ELMO1: variants seen among roughly 807,000 people sequenced by gnomAD.
ELMO1 encodes engulfment and cell motility 1, also known as engulfment and cell motility protein 1.
In ELMO1, 26 loss-of-function variants were observed where a neutral mutation model predicts 98.9. The ratio of observed to expected loss-of-function variants is 0.26; its 90% CI spans 0.19 to 0.36. ELMO1 has a LOEUF of 0.36. ELMO1 is among the 10% of genes least tolerant of loss of function. The pLI, the probability that ELMO1 is intolerant of heterozygous loss-of-function variation, is 1.00. For synonymous variants in ELMO1, 346 were observed against 346.0 expected (o/e 1.00, Z 0.00); for missense variants, 627 against 935.2 (o/e 0.67, Z 4.30).
chr7:37,044,384 C>G (rs1795691167), intron 15 of ELMO1, among the ~76,000 whole-genome samples: 1 of 152,188 alleles, frequency 6.6e-6, no homozygotes, highest in Non-Finnish European at 1.5e-5. Context: ...GTGTTATATA[C>G]TAATACTCAC....
rs568140389 is a variant in ELMO1, at chr7:36,947,340, C to T, written c.1438-52323G>A. On this transcript the variant is annotated intron_variant, in intron 16 of 21. Coordinates refer to ENST00000310758, the MANE Select transcript of ELMO1 (RefSeq NM_014800.11). ...CCACTGAGCTCATCTCTCCCATATTCCTGGTGTGCTCTTATTCTCACATTC... is the reference window on the plus strand; with the variant it reads ...CCACTGAGCTCATCTCTCCCATATTTCTGGTGTGCTCTTATTCTCACATTC... Among the ~76,000 whole-genome samples, 4 of 152,312 alleles carry T rather than the reference C, an allele frequency of 2.6e-5. No homozygotes were observed. In the South Asian group the frequency reaches 8.3e-4, roughly 32 times the overall value.
rs945403441 is a variant in ELMO1, at chr7:36,889,386, T to C, written c.1602-1714A>G. 2.9e-4 allele frequency among the ~76,000 whole-genome samples: 44 copies of C among 152,074 alleles called. 1 individual carries two copies. Among genetic ancestry groups the C allele is most frequent in the African/African-American group, 1.0e-3 (43 of 41,332 alleles). The stretch of plus-strand genomic sequence containing the variant: ...TAAAATGGACTCAGTAAATTGCAGC[T>C]TTGAAGAACCCTGCACTGAGTGGAA... On this transcript the variant is annotated intron_variant, in intron 17 of 21. Coordinates refer to ENST00000310758, the MANE Select transcript of ELMO1 (RefSeq NM_014800.11).
At chr7:37,438,289 T>TA (rs1174621615) in intron 1 of ELMO1, among the ~76,000 whole-genome samples, 1 of 151,900 alleles carries the variant, frequency 6.6e-6, no homozygotes, top group Non-Finnish European at 1.5e-5. Flanking sequence ...AGAACCTGAA[T>TA]AGAAACTACT....
intron 1 of ELMO1, among the ~76,000 whole-genome samples, chr7:37,423,799 A>AT (rs2131541262): frequency 6.6e-6 from 1 of 152,296 alleles, no homozygotes; most frequent in Admixed American, 6.5e-5. Context: ...CTAGCAAAGA[A>AT]TTTGACAGAT....
rs747902549 is a variant in ELMO1 at position 37,194,022 on chromosome 7, G to C, written c.1086+17364C>G. On this transcript the variant is annotated intron_variant, in intron 13 of 21. Coordinates refer to ENST00000310758, the MANE Select transcript of ELMO1 (RefSeq NM_014800.11). ...TCTGGAAAGCCCTGGCTCTCCTGGA[G>C]AAATTCTCCAGAACAAGCACAGAAC... Among the ~76,000 whole-genome samples, 6 of 152,130 alleles carry C rather than the reference G, an allele frequency of 3.9e-5. No individual in the cohort carries two copies. In the South Asian group the frequency reaches 1.2e-3, roughly 32 times the overall value.
chr7:37,264,722 G>A (rs909929453), intron 5 of ELMO1, among the ~76,000 whole-genome samples: 9 of 152,156 alleles, frequency 5.9e-5, no homozygotes, highest in Admixed American at 5.9e-4. Context: ...GATAGGAAAG[G>A]GTTCTGGACC....
chr7:37,290,918 AGAT>A (rs1230417292), intron 4 of ELMO1, among the ~76,000 whole-genome samples: 1 of 152,192 alleles, frequency 6.6e-6, no homozygotes, highest in East Asian at 1.9e-4. Context: ...AAGAACAAGA[AGAT>A]GATGACACTG....
intron 2 of ELMO1, among the ~76,000 whole-genome samples, chr7:37,320,892 C>T (rs1220049149): frequency 6.6e-6 from 1 of 152,186 alleles, no homozygotes; most frequent in Non-Finnish European, 1.5e-5. Flanking sequence ...CATTTCCTAC[C>T]ACTGCTGGGT....
At chr7:37,112,744 G>T (rs1465848822) in intron 14 of ELMO1, among the ~76,000 whole-genome samples, 1 of 152,118 alleles carries the variant, frequency 6.6e-6, no homozygotes, top group Admixed American at 6.5e-5. Flanking sequence ...TACCAGTGCA[G>T]GGAAAAAGTT....
chr7:36,861,849 G>A (rs1356413815), intron 20 of ELMO1, 113 bp from the exon 21 acceptor site: 3 of 937,548 alleles, frequency 3.2e-6, no homozygotes, highest in Admixed American at 1.8e-5. Context: ...TAGCCAAGCG[G>A]AGCTGCAATG....
At chr7:36,997,167 G>A (rs948449823) in intron 16 of ELMO1, among the ~76,000 whole-genome samples, 2 of 152,164 alleles carry the variant, frequency 1.3e-5, no homozygotes, top group African/African-American at 4.8e-5. Context: ...GAGTCCATAA[G>A]TGAAAGGCAC....
chr7:37,171,973 CAAGTA>C (rs1172026499), intron 13 of ELMO1, among the ~76,000 whole-genome samples: 1 of 151,706 alleles, frequency 6.6e-6, no homozygotes, highest in African/African-American at 2.4e-5. Flanking sequence ...GTTCAACATA[CAAGTA>C]AAGTTAGTAA....
intron 13 of ELMO1, among the ~76,000 whole-genome samples, chr7:37,206,343 A>G (rs973403164): frequency 4.6e-5 from 7 of 152,164 alleles, no homozygotes; most frequent in African/African-American, 1.7e-4. Context: ...TCAGCCTGTG[A>G]TTGGTAGAGT....
intron 16 of ELMO1, among the ~76,000 whole-genome samples, chr7:36,973,752 C>T (rs56054227): frequency 1.8e-3 from 278 of 152,270 alleles, no homozygotes; most frequent in African/African-American, 6.1e-3. Flanking sequence ...GAGGGAGAGG[C>T]GCGAGCGGGA....
chr7:37,018,373 G>A (rs943638191), intron 15 of ELMO1, among the ~76,000 whole-genome samples: 6 of 152,050 alleles, frequency 3.9e-5, no homozygotes, highest in East Asian at 1.9e-4. Context: ...TGATCTGCCC[G>A]CCTCACCCTC....
intron 4 of ELMO1, among the ~76,000 whole-genome samples, chr7:37,284,201 T>C (rs1027591806): frequency 1.3e-5 from 2 of 152,124 alleles, no homozygotes; most frequent in African/African-American, 4.8e-5. Flanking sequence ...CCTGGGCATG[T>C]CAATTTGCTT....
intron 14 of ELMO1, 84 bp from the exon 15 acceptor site, chr7:37,096,811 T>C: frequency 4.9e-6 from 6 of 1,232,430 alleles, no homozygotes; most frequent in South Asian, 2.4e-5. Context: ...AATAGATGAA[T>C]ACATAGATCC....
In ELMO1 at chr7:37,087,806, G is replaced by T. The variant is rs1259728749; in HGVS notation, c.1300+8813C>A. Among the ~76,000 whole-genome samples, 3 of 152,068 alleles carry T rather than the reference G, an allele frequency of 2.0e-5. No homozygotes were observed. The East Asian group carries it at 5.8e-4, about 29-fold the overall frequency. On this transcript the variant is annotated intron_variant, in intron 15 of 21. Coordinates refer to ENST00000310758, the MANE Select transcript of ELMO1 (RefSeq NM_014800.11). Reference sequence around the variant, plus strand: ...TTCCTATAAACCACCCCAATTTTTAGGGGAAGTGAGGCCAGGAATGAAAGA... The same window carrying T: ...TTCCTATAAACCACCCCAATTTTTATGGGAAGTGAGGCCAGGAATGAAAGA...
chr7:37,274,712 C>A (rs896838517), intron 4 of ELMO1, among the ~76,000 whole-genome samples: 18 of 152,092 alleles, frequency 1.2e-4, no homozygotes, highest in African/African-American at 4.1e-4. Context: ...GTCACCAAGC[C>A]CGGCTAATTT....
Sources: gnomAD v4.1 joint callset for allele counts (sites outside exome capture counted in the v4.1 genomes callset) on GRCh38, gnomAD v4.1.1 for gene constraint, MANE v1.5 for transcripts, NCBI Gene and HGNC (gene_info 2026-07-23, HGNC 2026-07-21) for gene names.